Variants in ZNF469 observed in about 807,000 individuals in gnomAD.
ZNF469 encodes the protein zinc finger protein 469.
Under a neutral mutation model 1.0 loss-of-function variants are expected in ZNF469, and 1 was observed. The observed-to-expected ratio is 1.00, with a 90% CI of 0.35 to 4.73. The LOEUF is 4.73. ZNF469 is among the 30% of genes most tolerant of loss of function. The pLI is 0.16. For synonymous variants in ZNF469, 2,703 were observed against 2,363.4 expected, an observed-to-expected ratio of 1.14 and a Z score of -4.17; for missense variants, 6,100 against 5,356.3, an observed-to-expected ratio of 1.14 and a Z score of -4.33.
At chr16:88,333,047 G>A in the ZNF469 span, among the ~76,000 whole-genome samples, 6 of 152,236 alleles carry the variant, frequency 3.9e-5, no homozygotes, top group African/African-American at 1.2e-4. Context: ...TCCTTGTGCT[G>A]CTGCTCATTG....
chr16:88,392,873 T>G (rs1904528459), intron 1 of ZNF469, among the ~76,000 whole-genome samples: 1 of 152,250 alleles, frequency 6.6e-6, no homozygotes, highest in Non-Finnish European at 1.5e-5. Flanking sequence ...CAACCTCCCT[T>G]GCTCCTTGTA....
the ZNF469 span, among the ~76,000 whole-genome samples, chr16:88,269,791 C>T: frequency 6.6e-6 from 1 of 152,170 alleles, no homozygotes; most frequent in Non-Finnish European, 1.5e-5. Context: ...CCATGAGTTA[C>T]AACCTCAGTG....
the ZNF469 span, among the ~76,000 whole-genome samples, chr16:88,173,030 G>A: frequency 2.0e-5 from 3 of 152,266 alleles, no homozygotes; most frequent in East Asian, 5.8e-4. Flanking sequence ...AGAGAAGAGA[G>A]GCAGGGACGG....
chr16:88,200,499 C>G, the ZNF469 span, among the ~76,000 whole-genome samples: 2 of 152,260 alleles, frequency 1.3e-5, no homozygotes, highest in Non-Finnish European at 2.9e-5. Context: ...CCTACGGTCT[C>G]TCCGCTCTCC....
intron 1 of ZNF469, among the ~76,000 whole-genome samples, chr16:88,409,617 G>A (rs1905091825): frequency 6.6e-6 from 1 of 152,224 alleles, no homozygotes; most frequent in Non-Finnish European, 1.5e-5. Context: ...TAGGCCGTGT[G>A]CACCCCATGC....
the ZNF469 span, among the ~76,000 whole-genome samples, chr16:88,354,358 C>T: frequency 6.6e-6 from 1 of 152,184 alleles, no homozygotes; most frequent in Non-Finnish European, 1.5e-5. Flanking sequence ...AGGTCCTCGG[C>T]TCCCTGGATA....
intron 1 of ZNF469, among the ~76,000 whole-genome samples, chr16:88,384,037 C>T (rs1197513956): frequency 1.3e-5 from 2 of 152,184 alleles, no homozygotes; most frequent in Admixed American, 1.3e-4. Flanking sequence ...CCGGCGGGGG[C>T]GGGGGGGCAG....
chr16:88,158,163 C>T, the ZNF469 span, among the ~76,000 whole-genome samples: 1 of 151,916 alleles, frequency 6.6e-6, no homozygotes, highest in Non-Finnish European at 1.5e-5. Flanking sequence ...CTGGCAAGTC[C>T]CCTGGGGGTG....
chr16:88,352,324 C>A, the ZNF469 span, among the ~76,000 whole-genome samples: 1 of 152,344 alleles, frequency 6.6e-6, no homozygotes, highest in South Asian at 2.1e-4. Context: ...AGCTTCATGC[C>A]AACCCAGAGG....
At chr16:88,420,915 G>A (rs373536123) in intron 1 of ZNF469, among the ~76,000 whole-genome samples, 8 of 151,504 alleles carry the variant, frequency 5.3e-5, no homozygotes, top group Admixed American at 4.6e-4. Flanking sequence ...AGCCCCCTGT[G>A]TGGTTGGCCA....
chr16:88,285,515 G>A, the ZNF469 span, among the ~76,000 whole-genome samples: 5 of 152,252 alleles, frequency 3.3e-5, no homozygotes, highest in Non-Finnish European at 7.3e-5. Context: ...AAAGAGCAGG[G>A]TCAGCCTGGT....
At chr16:88,146,603 C>G in the ZNF469 span, among the ~76,000 whole-genome samples, 1 of 152,106 alleles carries the variant, frequency 6.6e-6, no homozygotes, top group Non-Finnish European at 1.5e-5. Flanking sequence ...ATGGGGACAG[C>G]TCTTCTCTCC....
the ZNF469 span, among the ~76,000 whole-genome samples, chr16:88,202,627 T>C: frequency 6.6e-6 from 1 of 152,184 alleles, no homozygotes; most frequent in East Asian, 1.9e-4. Flanking sequence ...CTCTGGGGTG[T>C]AGAATGGACT....
chr16:88,422,002 T>C (rs1184087029), intron 1 of ZNF469, among the ~76,000 whole-genome samples: 1 of 146,944 alleles, frequency 6.8e-6, no homozygotes, highest in Non-Finnish European at 1.5e-5. Flanking sequence ...TTAGAGGGGA[T>C]GGGCAGGTGG....
the ZNF469 span, among the ~76,000 whole-genome samples, chr16:88,157,718 C>T: frequency 2.0e-4 from 30 of 152,346 alleles, no homozygotes; most frequent in Non-Finnish European, 1.5e-5. Context: ...CTGGTGGCCT[C>T]CTGGGCCCCA....
At chr16:88,143,427 T>G in the ZNF469 span, among the ~76,000 whole-genome samples, 1 of 152,168 alleles carries the variant, frequency 6.6e-6, no homozygotes, top group Non-Finnish European at 1.5e-5. Context: ...ACCGAGGCTG[T>G]GTTCCTTGTT....
chr16:88,374,818 A>G, the ZNF469 span, among the ~76,000 whole-genome samples: 1 of 151,766 alleles, frequency 6.6e-6, no homozygotes, highest in Non-Finnish European at 1.5e-5. Flanking sequence ...GAGCGGCTGT[A>G]TCTGCGCTCT....
chr16:88,333,038 C>T, the ZNF469 span, among the ~76,000 whole-genome samples: 1 of 152,206 alleles, frequency 6.6e-6, no homozygotes, highest in East Asian at 1.9e-4. Flanking sequence ...CCCCGTGGGT[C>T]CTTGTGCTGC....
the ZNF469 span, among the ~76,000 whole-genome samples, chr16:88,285,857 G>T: frequency 3.3e-5 from 5 of 152,364 alleles, no homozygotes; most frequent in East Asian, 5.8e-4. Context: ...TGTGGGAGGG[G>T]CCCTCGTGCC....
Sources: gnomAD v4.1 joint callset for allele counts (sites outside exome capture counted in the v4.1 genomes callset) on GRCh38, gnomAD v4.1.1 for gene constraint, MANE v1.5 for transcripts, NCBI Gene and HGNC (gene_info 2026-07-23, HGNC 2026-07-21) for gene names.